The following UNC13A variants were observed in gnomAD, a reference collection of about 807,000 sequenced individuals.
UNC13A encodes protein unc-13 homolog A.
Under a neutral mutation model 219.7 loss-of-function variants are expected in UNC13A, and 61 were observed. The ratio of observed to expected loss-of-function variants is 0.28; its 90% CI spans 0.23 to 0.34. The LOEUF (loss-of-function observed/expected upper bound fraction) is 0.34. Ranked by LOEUF, UNC13A falls within the 10% of genes least tolerant of loss-of-function variation. The pLI is 1.00. For synonymous variants in UNC13A, 920 were observed against 884.6 expected, an observed-to-expected ratio of 1.04 and a Z score of -0.71; for missense variants, 1,476 against 2,270.3, an observed-to-expected ratio of 0.65 and a Z score of 7.11.
chr19:17,688,254 G>C lies in UNC13A; in HGVS notation c.-55C>G. 1 of 1,420,420 alleles carries C rather than the reference G, an allele frequency of 7.0e-7. No homozygotes were observed. The allele number at this position is 1,420,420 out of a possible 1,614,324, so 88.0% of individuals were successfully genotyped here. A position where few individuals can be genotyped will look rare whatever the true frequency, so the allele number is the denominator to read the frequency against. On this transcript the variant is annotated 5_prime_UTR_variant, in exon 1 of 44. Transcript: ENST00000519716. Reference sequence around the variant, plus strand: ...GGCCGGGCCGGCTCTGTCGGGTCGGGCTCAGCGGCCGCTGGGCTGGGGCAT... The same window carrying C: ...GGCCGGGCCGGCTCTGTCGGGTCGGCCTCAGCGGCCGCTGGGCTGGGGCAT...
chr19:17,630,673 T>C lies in UNC13A; in HGVS notation c.3506A>G (p.Glu1169Gly). The change falls in exon 29 of 44, where the codon GAG becomes GGG. Residue 1169 changes from glutamate to glycine, a missense_variant. Physicochemically the swap from Glu to Gly is moderately conservative, Grantham distance 98 (BLOSUM62 -2). Coordinates refer to ENST00000519716, the MANE Select transcript of UNC13A (RefSeq NM_001080421.3). ...TCTTACCCCATCCTTCTTGTCTCGCTCCAGGGCACCGTGCAGGAAATCCCG... is the reference window on the plus strand; with the variant it reads ...TCTTACCCCATCCTTCTTGTCTCGCCCCAGGGCACCGTGCAGGAAATCCCG... ...VSRDFLHGAL[E>G]RDKKDGFQQT... is the part of the protein sequence containing the mutation. 1 of 1,613,946 alleles carries C rather than the reference T, an allele frequency of 6.2e-7. No individual in the cohort carries two copies. Among genetic ancestry groups the C allele is most frequent in the Non-Finnish European group, 8.5e-7 (1 of 1,179,880 alleles).
Position 17,674,637 on chromosome 19 carries a change from G to A in UNC13A, c.152+20C>T, listed in dbSNP as rs776425180. ...GGGCTATGCCAGGGAGTGAGGTCAT[G>A]CCAGACGCTGCAGACTCACAACATG... On this transcript the variant is annotated intron_variant, in intron 3 of 43. Coordinates refer to ENST00000519716, the MANE Select transcript of UNC13A (RefSeq NM_001080421.3). This position sits in a 1 kb window ranked among gnomAD's most constrained non-coding sequence, Gnocchi z 5.0. 1.9e-6 allele frequency: 3 copies of A among 1,610,440 alleles called. No individual in the cohort carries two copies. Among genetic ancestry groups the A allele is most frequent in the South Asian group, 1.1e-5 (1 of 91,030 alleles).
intron 15 of UNC13A, 50 bp from the exon 16 acceptor site, chr19:17,648,700 C>T (rs375286169): frequency 1.3e-6 from 2 of 1,571,974 alleles, no homozygotes; most frequent in Non-Finnish European, 8.7e-7. Flanking sequence ...CTGGCGCTGT[C>T]CCTGTCCTGC....
intron 41 of UNC13A, chr19:17,616,328 C>T: frequency 9.1e-6 from 6 of 660,234 alleles, no homozygotes; most frequent in Non-Finnish European, 2.8e-6. Context: ...GAAGGACGAT[C>T]CTTTTACTAG....
rs201058657 is a variant in UNC13A, at chr19:17,649,544, G to A, written c.1483C>T (p.Arg495Cys). The A allele has an allele frequency of 1.4e-5, 23 of 1,613,776 alleles. No individual in the cohort carries two copies. Among genetic ancestry groups the A allele is most frequent in the Admixed American group, 5.0e-5 (3 of 59,990 alleles). ...ACGAGTGGGATAGGTTTCCTCTTGC[G>A]GATGTCTGGCATGCTGTCGATGATG... ...LIIIDSMPDIRKRKPIPLVSD... is the reference protein window; with the variant it reads ...LIIIDSMPDICKRKPIPLVSD... The change falls in exon 13 of 44, where the codon CGC becomes TGC. Residue 495 changes from arginine (R) to cysteine (C), a missense_variant. By Grantham distance (180) the Arg-to-Cys change is radical. Coordinates refer to ENST00000519716, the MANE Select transcript of UNC13A (RefSeq NM_001080421.3). The surrounding 1 kb of genome is among the most constrained non-coding windows in gnomAD (Gnocchi z 4.4).
chr19:17,652,611 C>G lies in UNC13A; in HGVS notation c.1439+20G>C. The G allele has an allele frequency of 1.9e-6, 3 of 1,613,848 alleles. No individual in the cohort carries two copies. In the Admixed American group the frequency reaches 5.0e-5, roughly 27 times the overall value. On this transcript the variant is annotated intron_variant, in intron 12 of 43. Transcript: ENST00000519716. ...TGGGGTTCAAATCTTCCTCCCACCG[C>G]TCACAGTTTCATTACTTACCCGCCT...
At chr19:17,610,817 C>T (rs1170057392) in intron 42 of UNC13A, among the ~76,000 whole-genome samples, 1 of 152,086 alleles carries the variant, frequency 6.6e-6, no homozygotes, top group Admixed American at 6.6e-5. Context: ...CTGCTTGAGG[C>T]CAGGAGTTTG....
chr19:17,620,880 C>T (rs1302636584), intron 37 of UNC13A, among the ~76,000 whole-genome samples, 158 bp from the exon 38 acceptor site: 1 of 152,042 alleles, frequency 6.6e-6, no homozygotes, highest in Non-Finnish European at 1.5e-5. Flanking sequence ...CAGCTAGCAC[C>T]TCCTCTGGTC....
At position 17,606,099 on chromosome 19, in the gene UNC13A, C is replaced by A; in HGVS notation, c.5067G>T (p.Ser1689=). 1 of 1,593,264 alleles carries A rather than the reference C, an allele frequency of 6.3e-7. No homozygotes were observed. The highest frequency in any genetic ancestry group is 1.1e-5 in the South Asian group (1 of 88,750). ...CGCCCTCCTCGGCGGAGCGCGTGTC[C>A]GACTTGAGCTTCACGAACTCCTTGG... ...EVAKEFVKLK[S]DTRSAEEGGA... Residue 1689 remains serine (S), a synonymous_variant, in exon 44 of 44, where the codon TCG becomes TCT. Coordinates refer to ENST00000519716, the MANE Select transcript of UNC13A (RefSeq NM_001080421.3).
chr19:17,661,406 A>G (rs1402852983), intron 8 of UNC13A, among the ~76,000 whole-genome samples: 1 of 152,116 alleles, frequency 6.6e-6, no homozygotes, highest in Non-Finnish European at 1.5e-5. Flanking sequence ...CTCAAAATAG[A>G]GGACTGGCCA....
rs750209384 is a variant in UNC13A, at chr19:17,617,838, G to A, written c.4422C>T (p.His1474=). 3 of 1,613,872 alleles carry A rather than the reference G, an allele frequency of 1.9e-6. No individual in the cohort carries two copies. The highest frequency in any genetic ancestry group is 1.1e-5 in the South Asian group (1 of 91,084). Residue 1474 remains histidine (H), a synonymous_variant, in exon 41 of 44, where the codon CAC becomes CAT. Coordinates refer to ENST00000519716, the MANE Select transcript of UNC13A (RefSeq NM_001080421.3). ...LALDTIKQYF[H]AGGVGLKKTF... ...TCTTCTTGAGGCCCACGCCACCCGC[G>A]TGGAAATATTGCTGGGGAGGACAGG...
At chr19:17,688,119 G>A in intron 1 of UNC13A, 59 bp downstream of exon 1, 1 of 1,509,280 alleles carries the variant, frequency 6.6e-7, no homozygotes, top group Non-Finnish European at 8.9e-7. Flanking sequence ...GCATCCACGC[G>A]GACCCCGACC....
At chr19:17,641,679 C>CTATTTTTTTTTTTTTT in intron 20 of UNC13A, 123 bp from the exon 21 acceptor site, 1 of 1,012,636 alleles carries the variant, frequency 9.9e-7, no homozygotes, top group Non-Finnish European at 1.4e-6. Context: ...CATTCATCTA[C>CTATTTTTTTTTTTTTT]TCTTTTATCC....
At chr19:17,623,172 T>A in intron 36 of UNC13A, 1 of 265,832 alleles carries the variant, frequency 3.8e-6, no homozygotes, top group Non-Finnish European at 7.1e-6. Context: ...GTCAGAGGAA[T>A]CCTGGGGTTG....
At chr19:17,633,564 CCCAT>C (rs1406362985) in intron 26 of UNC13A, among the ~76,000 whole-genome samples, 1 of 151,566 alleles carries the variant, frequency 6.6e-6, no homozygotes, top group Admixed American at 6.6e-5. Context: ...CCATTATCCA[CCCAT>C]CCAACCATCC....
intron 39 of UNC13A, 49 bp from the exon 40 acceptor site, chr19:17,618,550 T>C (rs1488005656): frequency 2.0e-6 from 3 of 1,529,190 alleles, no homozygotes; most frequent in South Asian, 1.2e-5. Flanking sequence ...GCTCCACCTT[T>C]GGAATCTGTG....
chr19:17,645,537 C>CCCTGCCTCCCCCATCAGATTATGCTCCT, intron 19 of UNC13A, 137 bp downstream of exon 19: 1 of 1,292,300 alleles, frequency 7.7e-7, no homozygotes, highest in Non-Finnish European at 1.1e-6. Context: ...GGCTCCTAGA[C>CCCTGCCTCCCCCATCAGATTATGCTCCT]CCTGCCTCCC....
At position 17,633,109 on chromosome 19, in the gene UNC13A, C is replaced by A; in HGVS notation, c.3300G>T (p.Glu1100Asp). The change falls in exon 27 of 44, where the codon GAG becomes GAT. Residue 1100 changes from glutamate to aspartate, a missense_variant and splice_region_variant. Coordinates refer to ENST00000519716, the MANE Select transcript of UNC13A (RefSeq NM_001080421.3). ...GGAACACTGGGGTGGGAAACTCACC[C>A]TCCATGGCGTACTTCATGTCTTGGG... ...LFAQDMKYAM[E>D]EHDKHRLCKS... 9 of 1,614,168 alleles carry A rather than the reference C, an allele frequency of 5.6e-6. No individual in the cohort carries two copies. The highest frequency in any genetic ancestry group is 7.6e-6 in the Non-Finnish European group (9 of 1,180,002).
Position 17,645,704 on chromosome 19 carries a change from T to C in UNC13A, c.2326A>G (p.Ser776Gly), listed in dbSNP as rs2077018915. 1 of 1,614,124 alleles carries C rather than the reference T, an allele frequency of 6.2e-7. No individual in the cohort carries two copies. Among genetic ancestry groups the C allele is most frequent in the African/African-American group, 1.3e-5 (1 of 74,944 alleles). ...GQTIIEVRTL[S>G]GEMDVWYNLD... is the part of the protein sequence containing the mutation. ...TTGTACCACACGTCCATCTCGCCGC[T>C]GAGCGTCCGCACCTCAATGATCGTC... The change falls in exon 19 of 44, where the codon AGC (serine) becomes GGC (glycine). Residue 776 changes from serine (S) to glycine (G), a missense_variant. By Grantham distance (56) the Ser-to-Gly change is moderately conservative. Around this residue, in one of 14 missense-constraint regions of UNC13A, gnomAD observed 66 missense variants for 224.3 expected, o/e 0.29. Transcript: ENST00000519716.
Sources: allele counts gnomAD v4.1 joint callset (sites outside exome capture counted in the v4.1 genomes callset), GRCh38; gene constraint gnomAD v4.1.1; regional missense constraint gnomAD v4.1.1; non-coding constraint Gnocchi (gnomAD v3.1); transcripts MANE v1.5; gene names NCBI Gene and HGNC (gene_info 2026-07-23, HGNC 2026-07-21).